Variants in ATP10B observed in about 807,000 individuals in gnomAD.
ATP10B encodes ATPase phospholipid transporting 10B (putative).
ATP10B carries 122 observed loss-of-function variants against 141.2 expected under a neutral mutation model. The ratio of observed to expected loss-of-function variants is 0.86; its 90% CI spans 0.75 to 1.00. The LOEUF is 1.00. Ranked by LOEUF, ATP10B falls within the 50% of genes least tolerant of loss-of-function variation. The pLI is 0.00. For missense variants in ATP10B, 1,876 were observed against 1,825.3 expected, an observed-to-expected ratio of 1.03 and a Z score of -0.51; for synonymous variants, 685 against 692.0, an observed-to-expected ratio of 0.99 and a Z score of 0.16.
At chr5:160,831,932 G>A (rs1432267222) in intron 1 of ATP10B, among the ~76,000 whole-genome samples, 3 of 152,068 alleles carry the variant, frequency 2.0e-5, no homozygotes, top group African/African-American at 7.2e-5. Context: ...ACGAAAGTAG[G>A]TGAGTAAAGT....
At chr5:160,658,361 A>G (rs1191830153) in intron 7 of ATP10B, among the ~76,000 whole-genome samples, 1 of 152,232 alleles carries the variant, frequency 6.6e-6, no homozygotes, top group African/African-American at 2.4e-5. Context: ...GGGAAGAGGA[A>G]TAACACTAGG....
At chr5:160,671,492 C>T (rs1011269841) in intron 6 of ATP10B, among the ~76,000 whole-genome samples, 7 of 152,076 alleles carry the variant, frequency 4.6e-5, no homozygotes, top group Admixed American at 1.3e-4. Context: ...TAGGAAGATC[C>T]GGAGCCACAC....
the ATP10B span, among the ~76,000 whole-genome samples, chr5:160,858,822 T>C: frequency 1.3e-5 from 2 of 151,904 alleles, no homozygotes; most frequent in Non-Finnish European, 2.9e-5. Context: ...ATTTTACCAG[T>C]TTGAGTGACA....
At chr5:160,770,992 A>G (rs937733963) in intron 2 of ATP10B, among the ~76,000 whole-genome samples, 1 of 152,216 alleles carries the variant, frequency 6.6e-6, no homozygotes, top group African/African-American at 2.4e-5. Flanking sequence ...ACCACCCTCA[A>G]AAGTGACTGA....
In ATP10B at chr5:160,670,682, A is replaced by G. The variant is rs576844530; in HGVS notation, c.471-15T>C. 6 of 1,610,818 alleles carry G rather than the reference A, an allele frequency of 3.7e-6. No individual in the cohort carries two copies. In the African/African-American group the frequency reaches 5.3e-5, roughly 14 times the overall value. ...TCTGCTCTTTTCTTGGGTGAGAGAA[A>G]GACAGGGTGTGAGTGAGCTTTAAGT... On this transcript the variant is annotated splice_polypyrimidine_tract_variant and intron_variant, in intron 6 of 25. Coordinates refer to ENST00000327245, the MANE Select transcript of ATP10B (RefSeq NM_025153.3).
At chr5:160,644,606 A>G (rs1760141332) in intron 8 of ATP10B, among the ~76,000 whole-genome samples, 1 of 152,178 alleles carries the variant, frequency 6.6e-6, no homozygotes, top group Non-Finnish European at 1.5e-5. Flanking sequence ...CACCAAAACC[A>G]AGATGGTGAT....
In ATP10B at chr5:160,638,161, T is replaced by C. The variant is rs889781633; in HGVS notation, c.1001-1852A>G. ...TGCTCATTTGAGAGCTTTCATCTTC[T>C]GTAGGGCTGTGCTTTAATTAGGCAT... On this transcript the variant is annotated intron_variant, in intron 10 of 25. Coordinates refer to ENST00000327245, the MANE Select transcript of ATP10B (RefSeq NM_025153.3). Among the ~76,000 whole-genome samples, 6 of 152,320 alleles carry C rather than the reference T, an allele frequency of 3.9e-5. 1 individual carries two copies. The Middle Eastern group carries it at 0.01, about 259-fold the overall frequency.
chr5:160,641,606 C>T (rs1160022460), intron 9 of ATP10B, among the ~76,000 whole-genome samples: 1 of 151,882 alleles, frequency 6.6e-6, no homozygotes, highest in Non-Finnish European at 1.5e-5. Context: ...TGTAGTTCTC[C>T]TTTCACCAAC....
At position 160,615,840 on chromosome 5, in the gene ATP10B, A is replaced by G; in HGVS notation, c.2651T>C (p.Leu884Pro). ...AATAATGACTTATTTTTAGCTACCA[A>G]GTAAGGTGAGTTGATTCTCCAGATG... ...AQHLENQLTL[L>P]GATGIEDRLQ... is the part of the protein sequence containing the mutation. The change falls in exon 17 of 26, where the codon CTT (leucine) becomes CCT (proline). Residue 884 changes from leucine to proline, a missense_variant and splice_region_variant. By Grantham distance (98) the Leu-to-Pro change is moderately conservative. Coordinates refer to ENST00000327245, the MANE Select transcript of ATP10B (RefSeq NM_025153.3). 1.2e-6 allele frequency: 2 copies of G among 1,609,986 alleles called. No individual in the cohort carries two copies. The highest frequency in any genetic ancestry group is 8.5e-7 in the Non-Finnish European group (1 of 1,176,734).
intron 2 of ATP10B, among the ~76,000 whole-genome samples, chr5:160,757,335 G>T (rs568352517): frequency 8.5e-5 from 13 of 152,250 alleles, no homozygotes; most frequent in African/African-American, 2.2e-4. Context: ...TCCTTTGAGG[G>T]CCCTGACTAT....
chr5:160,845,344 T>C (rs921897716), intron 1 of ATP10B, among the ~76,000 whole-genome samples: 5 of 152,142 alleles, frequency 3.3e-5, no homozygotes, highest in African/African-American at 4.8e-5. Context: ...TGTGGTTCCA[T>C]TCACAGGTTT....
chr5:160,916,070 A>G, the ATP10B span, among the ~76,000 whole-genome samples: 6 of 152,156 alleles, frequency 3.9e-5, no homozygotes, highest in Non-Finnish European at 1.5e-5. Context: ...CCATGTTCCC[A>G]CTGAGGTAGG....
chr5:160,673,465 G>A (rs962505450), intron 6 of ATP10B, among the ~76,000 whole-genome samples: 3 of 151,918 alleles, frequency 2.0e-5, no homozygotes, highest in Admixed American at 2.0e-4. Flanking sequence ...ATATATAATT[G>A]AATTATTATT....
intron 3 of ATP10B, among the ~76,000 whole-genome samples, chr5:160,705,587 A>G (rs1280250501): frequency 6.6e-6 from 1 of 151,446 alleles, no homozygotes; most frequent in Non-Finnish European, 1.5e-5. Context: ...CAGCTTTCTC[A>G]CCTCTCTCTG....
At chr5:160,760,019 T>C (rs11135113) in intron 2 of ATP10B, among the ~76,000 whole-genome samples, 47,631 of 151,776 alleles carry the variant, frequency 0.31, 7,765 homozygotes, top group Non-Finnish European at 0.36. Context: ...CTCTGTCTTT[T>C]ACATTTCACA....
At chr5:160,635,835 T>C (rs1486937471) in intron 11 of ATP10B, among the ~76,000 whole-genome samples, 1 of 152,260 alleles carries the variant, frequency 6.6e-6, no homozygotes, top group Non-Finnish European at 1.5e-5. Context: ...TGTCGCTCAC[T>C]GTGCTACTTT....
the ATP10B span, among the ~76,000 whole-genome samples, chr5:160,858,220 G>A: frequency 9.9e-4 from 151 of 151,826 alleles, no homozygotes; most frequent in African/African-American, 3.5e-3. Flanking sequence ...ATTATATAAT[G>A]TCTCTGTCTC....
intron 2 of ATP10B, among the ~76,000 whole-genome samples, chr5:160,735,769 C>A (rs1203260056): frequency 6.6e-6 from 1 of 151,838 alleles, no homozygotes; most frequent in Non-Finnish European, 1.5e-5. Context: ...TTAAAATATG[C>A]AAAAATTGAA....
chr5:160,781,325 T>G (rs527974831), intron 2 of ATP10B, among the ~76,000 whole-genome samples: 6 of 152,142 alleles, frequency 3.9e-5, no homozygotes, highest in Non-Finnish European at 7.4e-5. Flanking sequence ...AATTGCCAAA[T>G]AGCAATCGCC....
Sources: gnomAD v4.1 joint callset for allele counts (sites outside exome capture counted in the v4.1 genomes callset) on GRCh38, gnomAD v4.1.1 for gene constraint, MANE v1.5 for transcripts, NCBI Gene and HGNC (gene_info 2026-07-23, HGNC 2026-07-21) for gene names.